The following EHMT1 variants were observed in gnomAD, a reference collection of about 807,000 sequenced individuals.
EHMT1 encodes histone-lysine N-methyltransferase EHMT1.
In EHMT1, 15 loss-of-function variants were observed where a neutral mutation model predicts 147.2. The ratio of observed to expected loss-of-function variants is 0.10; its 90% confidence interval spans 0.07 to 0.16. The LOEUF is 0.16. Among genes scored for constraint, EHMT1 ranks in the 10% least tolerant of loss-of-function variants. The pLI, the probability that EHMT1 is intolerant of heterozygous loss-of-function variation, is 1.00. For synonymous variants in EHMT1, 795 were observed against 709.6 expected (o/e 1.12, Z -1.91); for missense variants, 1,587 against 1,772.4 (o/e 0.90, Z 1.88).
Position 137,818,084 on chromosome 9 carries a change from C to T in EHMT1, c.3486C>T (p.Asp1162=), listed in dbSNP as rs1279636662. The T allele has an allele frequency of 3.7e-6, 6 of 1,614,094 alleles. No homozygotes were observed. Among genetic ancestry groups the T allele is most frequent in the Admixed American group, 1.7e-5 (1 of 60,010 alleles). ...GGTATGTTGGGGAGCTGATTTCAGACTCAGAAGCCGACGTTCGAGAGGAAG... is the reference window on the plus strand; with the variant it reads ...GGTATGTTGGGGAGCTGATTTCAGATTCAGAAGCCGACGTTCGAGAGGAAG... The part of the protein sequence containing the change: ...VCEYVGELIS[D]SEADVREEDS... Residue 1162 remains aspartate, a synonymous_variant, in exon 25 of 27, where the codon GAC becomes GAT. Coordinates refer to ENST00000460843, the MANE Select transcript of EHMT1 (RefSeq NM_024757.5).
intron 1 of EHMT1, among the ~76,000 whole-genome samples, chr9:137,683,156 T>C (rs573611388): frequency 1.3e-5 from 2 of 152,354 alleles, no homozygotes; most frequent in South Asian, 2.1e-4. Context: ...TAATAGACTT[T>C]ATTAAAATCA....
chr9:137,656,015 A>C (rs1047013723), intron 1 of EHMT1, among the ~76,000 whole-genome samples: 2 of 152,264 alleles, frequency 1.3e-5, no homozygotes, highest in African/African-American at 4.8e-5. Context: ...TTCATGTGAT[A>C]ACTGAAGAAT....
chr9:137,748,101 A>G (rs1488519764), intron 6 of EHMT1: 5 of 152,080 alleles, frequency 3.3e-5, no homozygotes, highest in Non-Finnish European at 7.3e-5. Context: ...GGGCATTCTG[A>G]GACCTGTTGG....
rs899895724 is a variant in EHMT1 at position 137,775,041 on chromosome 9, C to T, written c.1648-68C>T. ...GCTCTTGTGTGCCTGCACTGCCCAG[C>T]GCCTGGTGGGAGGGAATGCCGGCCT... On this transcript the variant is annotated intron_variant, in intron 10 of 26. Transcript: ENST00000460843. The surrounding 1 kb of genome is among the most constrained non-coding windows in gnomAD (Gnocchi z 6.1). 5.0e-6 allele frequency: 8 copies of T among 1,608,530 alleles called. No individual in the cohort carries two copies. The highest frequency in any genetic ancestry group is 6.0e-6 in the Non-Finnish European group (7 of 1,176,084).
rs1309661554 is a variant in EHMT1, at chr9:137,743,898, C to T, written c.982-4C>T. ...CTTGGGGTATACACCTGCCCGTGTT[C>T]TAGGGGGAGAAGGACCTGGGCGCCA... On this transcript the variant is annotated splice_polypyrimidine_tract_variant and splice_region_variant and intron_variant, in intron 5 of 26. Transcript: ENST00000460843. The T allele has an allele frequency of 1.2e-6, 2 of 1,610,078 alleles. No homozygotes were observed. Among genetic ancestry groups the T allele is most frequent in the East Asian group, 2.2e-5 (1 of 44,822 alleles).
intron 15 of EHMT1, chr9:137,784,168 G>A (rs1389001598): frequency 6.4e-6 from 10 of 1,551,190 alleles, no homozygotes; most frequent in African/African-American, 1.4e-5. Flanking sequence ...TGAGGACCTC[G>A]TGCTGTTCCC....
In EHMT1 at chr9:137,664,546, A is replaced by G. The variant is rs536798966; in HGVS notation, c.21+45497A>G. On this transcript the variant is annotated intron_variant, in intron 1 of 26. Coordinates refer to ENST00000460843, the MANE Select transcript of EHMT1 (RefSeq NM_024757.5). ...AGTGCTGGGATTACAGGCGTGAGCA[A>G]CTGCGCCTGGCCCGATACTCTCATT... Among the ~76,000 whole-genome samples the G allele has an allele frequency of 2.6e-5, 4 of 151,790 alleles. No individual in the cohort carries two copies. In the East Asian group the frequency reaches 7.7e-4, roughly 29 times the overall value.
In EHMT1 at chr9:137,807,640, T is replaced by C. The variant is rs371042253; in HGVS notation, c.2713-3821T>C. Among the ~76,000 whole-genome samples the C allele has an allele frequency of 6.6e-5, 10 of 152,202 alleles. No homozygotes were observed. The East Asian group carries it at 1.9e-3, about 29-fold the overall frequency. The stretch of plus-strand genomic sequence containing the variant: ...CTCCTGCCTCAGCCTCCCGAGTAAC[T>C]GGAATTACAGGCGCGCACGACCACG... On this transcript the variant is annotated intron_variant, in intron 18 of 26. Coordinates refer to ENST00000460843, the MANE Select transcript of EHMT1 (RefSeq NM_024757.5).
At chr9:137,751,869 A>C (rs1948996853) in intron 6 of EHMT1, among the ~76,000 whole-genome samples, 1 of 152,104 alleles carries the variant, frequency 6.6e-6, no homozygotes, top group Admixed American at 6.5e-5. Context: ...TTGGACTGGG[A>C]TCATGGGTGT....
At chr9:137,629,539 G>T (rs925218843) in intron 1 of EHMT1, among the ~76,000 whole-genome samples, 1 of 151,906 alleles carries the variant, frequency 6.6e-6, no homozygotes, top group African/African-American at 2.4e-5. Context: ...GACTACAGGC[G>T]CCCACCACCA....
At chr9:137,673,579 C>T (rs1185921709) in intron 1 of EHMT1, among the ~76,000 whole-genome samples, 1 of 152,124 alleles carries the variant, frequency 6.6e-6, no homozygotes, top group Non-Finnish European at 1.5e-5. Context: ...GTCTGTGTCC[C>T]TCCCTCAGAC....
intron 1 of EHMT1, chr9:137,666,930 G>A (rs1939727522): frequency 6.6e-6 from 1 of 152,226 alleles, no homozygotes; most frequent in African/African-American, 2.4e-5. Flanking sequence ...CAGGATTAGA[G>A]CAGATTGGTT....
At chr9:137,704,086 A>T (rs1944053424) in intron 1 of EHMT1, among the ~76,000 whole-genome samples, 1 of 152,158 alleles carries the variant, frequency 6.6e-6, no homozygotes, top group Non-Finnish European at 1.5e-5. Context: ...CACACTTTCC[A>T]ACAACCAGAT....
intron 1 of EHMT1, among the ~76,000 whole-genome samples, chr9:137,673,349 C>T (rs1054623049): frequency 3.9e-5 from 6 of 152,182 alleles, no homozygotes; most frequent in African/African-American, 1.2e-4. Flanking sequence ...CCGTTGCTCA[C>T]GTTGCTCTTC....
intron 9 of EHMT1, among the ~76,000 whole-genome samples, chr9:137,762,012 G>A (rs975450365): frequency 6.6e-6 from 1 of 152,240 alleles, no homozygotes; most frequent in African/African-American, 2.4e-5. Context: ...GGGCATGGGG[G>A]CACCAGCCCT....
rs141660667 is a variant in EHMT1, at chr9:137,772,537, C to T, written c.1648-2572C>T. On this transcript the variant is annotated intron_variant, in intron 10 of 26. Coordinates refer to ENST00000460843, the MANE Select transcript of EHMT1 (RefSeq NM_024757.5). ...CGCCAGCTCTGTATTTACACCAGCTCAGCCCCTGCCACCGAAGCTGGCCCT... is the reference window on the plus strand; with the variant it reads ...CGCCAGCTCTGTATTTACACCAGCTTAGCCCCTGCCACCGAAGCTGGCCCT... Among the ~76,000 whole-genome samples the T allele has an allele frequency of 5.7e-3, 865 of 152,358 alleles. 4 individuals carry two copies. The highest frequency in any genetic ancestry group is 8.9e-3 in the Non-Finnish European group (605 of 68,038).
At chr9:137,736,949 T>A (rs750762452) in intron 4 of EHMT1, among the ~76,000 whole-genome samples, 37 of 151,756 alleles carry the variant, frequency 2.4e-4, no homozygotes, top group Non-Finnish European at 5.1e-4. Flanking sequence ...AAGCCTGTCA[T>A]CCATGCACTT....
intron 1 of EHMT1, among the ~76,000 whole-genome samples, chr9:137,620,417 T>A (rs1390065415): frequency 1.3e-5 from 2 of 152,072 alleles, no homozygotes; most frequent in African/African-American, 2.4e-5. Context: ...AATTATTATT[T>A]ATTATTATTA....
intron 1 of EHMT1, among the ~76,000 whole-genome samples, chr9:137,670,282 C>G (rs1940420621): frequency 6.6e-6 from 1 of 152,112 alleles, no homozygotes; most frequent in African/African-American, 2.4e-5. Flanking sequence ...CCCTCATTCT[C>G]CCTTAGATCC....
Sources: allele counts gnomAD v4.1 joint callset (sites outside exome capture counted in the v4.1 genomes callset), GRCh38; gene constraint gnomAD v4.1.1; non-coding constraint Gnocchi (gnomAD v3.1); transcripts MANE v1.5; gene names NCBI Gene and HGNC (gene_info 2026-07-23, HGNC 2026-07-21).